Variants in RBFOX1 observed in about 807,000 individuals in gnomAD.
RBFOX1 encodes the protein RNA binding fox-1 homolog 1, also known as RNA binding protein fox-1 homolog 1.
Under a neutral mutation model 57.7 loss-of-function variants are expected in RBFOX1, and 8 were observed. The ratio of observed to expected loss-of-function variants is 0.14; its 90% CI spans 0.08 to 0.25. The LOEUF is 0.25. Among genes scored for constraint, RBFOX1 ranks in the 10% least tolerant of loss-of-function variants. The pLI, the probability that RBFOX1 is intolerant of heterozygous loss-of-function variation, is 1.00. For synonymous variants in RBFOX1, 326 were observed against 222.4 expected (o/e 1.47, Z -4.15); for missense variants, 611 against 548.5 (o/e 1.11, Z -1.14).
intron 4 of RBFOX1, among the ~76,000 whole-genome samples, chr16:7,350,429 C>G (rs1013206675): frequency 6.6e-6 from 1 of 152,154 alleles, no homozygotes; most frequent in South Asian, 2.1e-4. Flanking sequence ...GCAGCCAGGT[C>G]CCATTCCACC....
Position 5,506,500 on chromosome 16 carries a change from A to G in RBFOX1, c.258+39246A>G, listed in dbSNP as rs78017572. Among the ~76,000 whole-genome samples the G allele has an allele frequency of 3.3e-3, 500 of 152,298 alleles. 10 individuals are homozygous for G. The highest frequency in any genetic ancestry group is 0.011 in the African/African-American group (475 of 41,562). On this transcript the variant is annotated intron_variant, in intron 2 of 2. Transcript: ENST00000585867. ...TAGGAATGTCCCCAGTGCAAAATGA[A>G]TATAAATAAGTACACAAAGGCTTCT...
At chr16:5,573,098 TG>T (rs1347634530) in intron 2 of RBFOX1, among the ~76,000 whole-genome samples, 2 of 152,026 alleles carry the variant, frequency 1.3e-5, no homozygotes, top group Non-Finnish European at 2.9e-5. Context: ...GATCGGATGG[TG>T]GGATGGAGAT....
intron 3 of RBFOX1, among the ~76,000 whole-genome samples, chr16:6,953,028 A>G (rs62017757): frequency 0.17 from 25,453 of 152,060 alleles, 2,500 homozygotes; most frequent in East Asian, 0.29. Context: ...TCACCTGGCA[A>G]TGTATATTAA....
chr16:5,703,988 A>G (rs541586799), intron 3 of RBFOX1, among the ~76,000 whole-genome samples: 5 of 152,302 alleles, frequency 3.3e-5, no homozygotes, highest in South Asian at 2.1e-4. Flanking sequence ...AAATCGTTAC[A>G]TGGTCGCTCA....
chr16:6,127,269 G>C (rs372943679), intron 1 of RBFOX1, among the ~76,000 whole-genome samples: 2 of 147,002 alleles, frequency 1.4e-5, no homozygotes, highest in African/African-American at 5.2e-5. Context: ...AGATTATTTT[G>C]TCTCTCTCTT....
chr16:5,821,892 G>A (rs1307990103), intron 3 of RBFOX1, among the ~76,000 whole-genome samples: 1 of 152,136 alleles, frequency 6.6e-6, no homozygotes, highest in Non-Finnish European at 1.5e-5. Flanking sequence ...ATAAGGCACG[G>A]AGCCTTCATG....
At chr16:6,917,915 A>G (rs72772242) in intron 3 of RBFOX1, among the ~76,000 whole-genome samples, 41,096 of 152,048 alleles carry the variant, frequency 0.27, 6,010 homozygotes, top group Middle Eastern at 0.34. Context: ...AGACCTGGGT[A>G]TTATCCCTTT....
At chr16:6,835,685 T>C (rs555419594) in intron 3 of RBFOX1, among the ~76,000 whole-genome samples, 1 of 140,208 alleles carries the variant, frequency 7.1e-6, no homozygotes, top group East Asian at 2.1e-4. Flanking sequence ...ACCTCAGAGG[T>C]AGAGGTTGCA....
chr16:7,200,553 C>A (rs561614517), intron 4 of RBFOX1, among the ~76,000 whole-genome samples: 1 of 152,304 alleles, frequency 6.6e-6, no homozygotes, highest in African/African-American at 2.4e-5. Context: ...ATATTTTCTG[C>A]TCGAGGAAAA....
At chr16:6,571,515 A>G (rs2097344433) in intron 2 of RBFOX1, among the ~76,000 whole-genome samples, 1 of 152,130 alleles carries the variant, frequency 6.6e-6, no homozygotes, top group South Asian at 2.1e-4. Context: ...GTGAAATAAA[A>G]GGCAAGGGGT....
In RBFOX1 at chr16:6,699,366, T is replaced by G. The variant is rs115308003; in HGVS notation, c.-16+44716T>G. On this transcript the variant is annotated intron_variant, in intron 3 of 15. Transcript: ENST00000550418. ...AAAATAAGGTTCTCTGTAACAGTCA[T>G]AATAAGCAGGTATTTTTTATGCAAA... 5.8e-3 allele frequency among the ~76,000 whole-genome samples: 889 copies of G among 151,986 alleles called. 13 individuals carry two copies. The highest frequency in any genetic ancestry group is 0.021 in the African/African-American group (857 of 41,434).
At chr16:5,964,745 A>G (rs577683045) in intron 4 of RBFOX1, among the ~76,000 whole-genome samples, 3 of 151,984 alleles carry the variant, frequency 2.0e-5, no homozygotes, top group Middle Eastern at 3.4e-3. Context: ...CTCTTAGGTT[A>G]TGTGTGTGTA....
At chr16:5,542,389 C>T (rs1025842887) in intron 2 of RBFOX1, among the ~76,000 whole-genome samples, 16 of 151,460 alleles carry the variant, frequency 1.1e-4, no homozygotes, top group Non-Finnish European at 2.2e-4. Flanking sequence ...GCTGGGATTA[C>T]AGGCATGCGC....
intron 3 of RBFOX1, among the ~76,000 whole-genome samples, chr16:6,681,675 A>C (rs920047930): frequency 9.2e-6 from 1 of 109,242 alleles, no homozygotes; most frequent in Non-Finnish European, 2.2e-5. Context: ...TAACCAGAAA[A>C]AAAAAAAAAA....
chr16:6,809,939 C>T (rs767263234), intron 3 of RBFOX1, among the ~76,000 whole-genome samples: 4 of 151,874 alleles, frequency 2.6e-5, no homozygotes, highest in South Asian at 2.1e-4. Context: ...TGAGCCTACC[C>T]GCTTGTCCTG....
chr16:6,283,445 A>G (rs1000892301), intron 1 of RBFOX1, among the ~76,000 whole-genome samples: 1 of 152,196 alleles, frequency 6.6e-6, no homozygotes, highest in African/African-American at 2.4e-5. Context: ...CTTCTCAAGC[A>G]GATTCTGCCA....
At chr16:7,365,874 C>G (rs994296850) in intron 4 of RBFOX1, among the ~76,000 whole-genome samples, 11 of 152,300 alleles carry the variant, frequency 7.2e-5, no homozygotes, top group African/African-American at 2.6e-4. Context: ...TATTAATACC[C>G]TAAGACTCTC....
At chr16:5,326,140 A>G (rs1320047640) in intron 1 of RBFOX1, among the ~76,000 whole-genome samples, 1 of 152,176 alleles carries the variant, frequency 6.6e-6, no homozygotes. Context: ...CAGCATTTTT[A>G]ATTTAGCCAT....
chr16:5,624,035 G>A (rs1012333324), intron 3 of RBFOX1, among the ~76,000 whole-genome samples: 2 of 152,216 alleles, frequency 1.3e-5, no homozygotes, highest in African/African-American at 4.8e-5. Flanking sequence ...GAACTGAGAA[G>A]AGCAGGGCAG....
Sources: allele counts gnomAD v4.1 joint callset (sites outside exome capture counted in the v4.1 genomes callset), GRCh38; gene constraint gnomAD v4.1.1; transcripts MANE v1.5; gene names NCBI Gene and HGNC (gene_info 2026-07-23, HGNC 2026-07-21).